The following GAB2 variants were observed in gnomAD, a reference collection of about 807,000 sequenced individuals.
GAB2 encodes the protein GRB2-associated-binding protein 2.
Under a neutral mutation model 65.5 loss-of-function variants are expected in GAB2, and 26 were observed. That is an observed-to-expected ratio of 0.40 (90% CI 0.29 to 0.55). The LOEUF (loss-of-function observed/expected upper bound fraction) is 0.55. GAB2 is among the 20% of genes least tolerant of loss of function. The pLI, the probability that GAB2 is intolerant of heterozygous loss-of-function variation, is 0.53. For missense variants in GAB2, 884 were observed against 875.8 expected (o/e 1.01, Z -0.12); for synonymous variants, 321 against 329.6 (o/e 0.97, Z 0.28).
intron 2 of GAB2, among the ~76,000 whole-genome samples, chr11:78,261,595 T>G (rs932639853): frequency 3.3e-5 from 5 of 152,218 alleles, no homozygotes; most frequent in African/African-American, 9.6e-5. Context: ...CGGCAGACCC[T>G]TCTCCTGTTC....
intron 3 of GAB2, among the ~76,000 whole-genome samples, chr11:78,234,613 A>G (rs557824617): frequency 2.0e-5 from 3 of 148,404 alleles, no homozygotes; most frequent in African/African-American, 4.9e-5. Context: ...TTTTATTTAT[A>G]TATGCATTTA....
chr11:78,273,203 G>A lies in GAB2; in HGVS notation c.376+7398C>T, dbSNP rs113783157. Among the ~76,000 whole-genome samples, 1,177 of 152,302 alleles carry A rather than the reference G, an allele frequency of 7.7e-3. 14 individuals are homozygous for A. Among genetic ancestry groups the A allele is most frequent in the African/African-American group, 0.026 (1,077 of 41,566 alleles). ...CCGCCTAGTGGAGCTGTGAGAGAAG[G>A]GCCACCATCCTCCAGACCCCAGAAT... On this transcript the variant is annotated intron_variant, in intron 2 of 9. Coordinates refer to ENST00000361507, the MANE Select transcript of GAB2 (RefSeq NM_080491.3).
chr11:78,345,085 GCCCGCGCAACATGGCAAAACC>G (rs1443404222), intron 1 of GAB2, among the ~76,000 whole-genome samples: 1 of 152,176 alleles, frequency 6.6e-6, no homozygotes, highest in Admixed American at 6.5e-5. Flanking sequence ...TTCAAGACCA[GCCCGCGCAACATGGCAAAACC>G]CCGTCTCTAC....
chr11:78,365,736 G>A (rs1856488073), intron 1 of GAB2, among the ~76,000 whole-genome samples: 1 of 152,190 alleles, frequency 6.6e-6, no homozygotes, highest in East Asian at 1.9e-4. Flanking sequence ...GAATGCTATT[G>A]TTGAGCTTGA....
At chr11:78,324,191 G>A (rs1375827123) in intron 1 of GAB2, among the ~76,000 whole-genome samples, 1 of 152,042 alleles carries the variant, frequency 6.6e-6, no homozygotes, top group Non-Finnish European at 1.5e-5. Flanking sequence ...TACACAGGAG[G>A]AGACAGAATT....
At chr11:78,408,200 T>C (rs1162387138) in intron 1 of GAB2, among the ~76,000 whole-genome samples, 1 of 151,810 alleles carries the variant, frequency 6.6e-6, no homozygotes, top group Non-Finnish European at 1.5e-5. Context: ...TATAGCACTG[T>C]CTGATATAAA....
chr11:78,369,656 C>T (rs985333629), intron 1 of GAB2, among the ~76,000 whole-genome samples: 1 of 152,154 alleles, frequency 6.6e-6, no homozygotes, highest in African/African-American at 2.4e-5. Flanking sequence ...ATCTTACATA[C>T]CAACAAGTTT....
chr11:78,408,133 TTAAA>T (rs1228127592), intron 1 of GAB2, among the ~76,000 whole-genome samples: 3 of 152,156 alleles, frequency 2.0e-5, no homozygotes, highest in Admixed American at 6.6e-5. Context: ...AAAAATGTAA[TTAAA>T]TAGTCTTTCC....
At chr11:78,263,201 A>T (rs1865780555) in intron 2 of GAB2, among the ~76,000 whole-genome samples, 1 of 152,216 alleles carries the variant, frequency 6.6e-6, no homozygotes, top group Admixed American at 6.5e-5. Context: ...GCTTTGAAAT[A>T]ACCAAGAGAA....
chr11:78,389,738 C>T (rs1435431775), intron 1 of GAB2, among the ~76,000 whole-genome samples: 1 of 152,148 alleles, frequency 6.6e-6, no homozygotes, highest in African/African-American at 2.4e-5. Flanking sequence ...TACATCCCAA[C>T]AAAGCTGTTA....
At chr11:78,226,192 T>C (rs1297090472) in intron 4 of GAB2, among the ~76,000 whole-genome samples, 1 of 152,244 alleles carries the variant, frequency 6.6e-6, no homozygotes, top group African/African-American at 2.4e-5. Context: ...TAATATGTTA[T>C]ACTGTGGTTA....
chr11:78,396,054 T>C (rs1033953777), intron 1 of GAB2, among the ~76,000 whole-genome samples: 1 of 152,242 alleles, frequency 6.6e-6, no homozygotes, highest in Non-Finnish European at 1.5e-5. Flanking sequence ...TGATCCTTGA[T>C]TGCCAGCATT....
intron 1 of GAB2, among the ~76,000 whole-genome samples, chr11:78,339,478 G>A (rs1390712596): frequency 6.6e-6 from 1 of 152,150 alleles, no homozygotes; most frequent in Non-Finnish European, 1.5e-5. Flanking sequence ...TATATCTGGA[G>A]AGCCGCTTAT....
At chr11:78,379,071 C>T (rs1856666931) in intron 1 of GAB2, among the ~76,000 whole-genome samples, 2 of 152,158 alleles carry the variant, frequency 1.3e-5, no homozygotes, top group South Asian at 2.1e-4. Flanking sequence ...AATAAGTGTT[C>T]GTTACATACA....
At chr11:78,327,875 GATTGA>G (rs1384327323) in intron 1 of GAB2, among the ~76,000 whole-genome samples, 1 of 152,112 alleles carries the variant, frequency 6.6e-6, no homozygotes, top group Non-Finnish European at 1.5e-5. Flanking sequence ...TACCTTACTA[GATTGA>G]ATTGAAGAAG....
rs1428824773 is a variant in GAB2, at chr11:78,226,814, C to G, written c.858G>C (p.Glu286Asp). Residue 286 changes from glutamate (E) to aspartate (D), a missense_variant, in exon 4 of 10, where the codon GAG becomes GAC. Transcript: ENST00000361507. ...GHTKGSLTGSETDNEDVYTFK... is the reference protein window; with the variant it reads ...GHTKGSLTGSDTDNEDVYTFK... ...AGGTGTACACATCCTCATTATCTGT[C>G]TCGGAGCCTGTGAGGCTGCCCTTGG... 1 of 1,614,020 alleles carries G rather than the reference C, an allele frequency of 6.2e-7. No homozygotes were observed. The highest frequency in any genetic ancestry group is 8.5e-7 in the Non-Finnish European group (1 of 1,180,010).
At chr11:78,371,357 A>C (rs2134728540) in intron 1 of GAB2, among the ~76,000 whole-genome samples, 1 of 152,352 alleles carries the variant, frequency 6.6e-6, no homozygotes, top group South Asian at 2.1e-4. Context: ...GTGAAACGCC[A>C]AGTAGGTTGC....
At chr11:78,251,386 A>G (rs542043509) in intron 2 of GAB2, among the ~76,000 whole-genome samples, 2 of 152,242 alleles carry the variant, frequency 1.3e-5, no homozygotes, top group African/African-American at 4.8e-5. Context: ...TCTTATCTCA[A>G]GCTTTTCTCT....
intron 1 of GAB2, among the ~76,000 whole-genome samples, chr11:78,360,244 A>G (rs984283400): frequency 3.3e-5 from 5 of 152,078 alleles, no homozygotes; most frequent in Non-Finnish European, 4.4e-5. Context: ...TAAGCCAACA[A>G]ATTTGTAGTC....
Sources: gnomAD v4.1 joint callset for allele counts (sites outside exome capture counted in the v4.1 genomes callset) on GRCh38, gnomAD v4.1.1 for gene constraint, MANE v1.5 for transcripts, NCBI Gene and HGNC (gene_info 2026-07-23, HGNC 2026-07-21) for gene names.